Variants in TRPC5 observed in about 807,000 individuals in gnomAD.
The protein encoded by TRPC5 is transient receptor potential cation channel subfamily C member 5.
In TRPC5, 9 loss-of-function variants were observed where a neutral mutation model predicts 56.5. The ratio of observed to expected loss-of-function variants is 0.16; its 90% CI spans 0.10 to 0.28. The LOEUF is 0.28. TRPC5 is among the 10% of genes least tolerant of loss of function. The pLI, the probability that TRPC5 is intolerant of heterozygous loss-of-function variation, is 1.00. For missense variants in TRPC5, 469 were observed against 748.9 expected, an observed-to-expected ratio of 0.63 and a Z score of 4.36; for synonymous variants, 282 against 278.5, an observed-to-expected ratio of 1.01 and a Z score of -0.13.
At chrX:111,877,596 C>T (rs1161612638) in intron 3 of TRPC5, among the ~76,000 whole-genome samples, 3 of 111,216 alleles carry the variant, frequency 2.7e-5, no homozygotes, top group African/African-American at 9.8e-5. Context: ...GTCAGAGGCA[C>T]AGCTTGGGGA....
rs771895982 is a variant in TRPC5 at position 111,791,083 on chromosome X, A to T, written c.1897-8945T>A. ...TGACCCTCTCACCTCCTCAGGGAAC[A>T]TCTCTGAAGCATCATCCCACCTTTA... On this transcript the variant is annotated intron_variant, in intron 7 of 10. Transcript: ENST00000262839. 1.4e-4 allele frequency among the ~76,000 whole-genome samples: 14 copies of T among 103,057 alleles called. No individual in the cohort carries two copies. In the South Asian group the frequency reaches 2.8e-3, roughly 21 times the overall value. The allele number at this position is 103,057 out of a possible 115,157, so 89.5% of individuals were successfully genotyped here.
chrX:111,798,418 C>A (rs1000252874), intron 7 of TRPC5, among the ~76,000 whole-genome samples: 3 of 112,110 alleles, frequency 2.7e-5, no homozygotes, highest in African/African-American at 9.7e-5. Flanking sequence ...AAAAAGTGAT[C>A]TCTTGTGGTT....
chrX:111,968,799 GA>G (rs1927687155), intron 1 of TRPC5, among the ~76,000 whole-genome samples: 1 of 81,296 alleles, frequency 1.2e-5, no homozygotes, highest in Non-Finnish European at 2.2e-5. Context: ...CACAGGAAGG[GA>G]AACATCACAC....
chrX:112,055,601 A>G (rs1036554647), intron 1 of TRPC5, among the ~76,000 whole-genome samples: 3 of 109,488 alleles, frequency 2.7e-5, no homozygotes, highest in Non-Finnish European at 5.7e-5. Context: ...TTTTCAGACT[A>G]TAATATATTT....
chrX:111,923,620 A>C (rs1926182038), intron 2 of TRPC5, among the ~76,000 whole-genome samples: 1 of 112,021 alleles, frequency 8.9e-6, no homozygotes, highest in Non-Finnish European at 1.9e-5. Context: ...ACAAACAAAC[A>C]AAAAACCAAA....
chrX:112,008,109 C>T (rs933976394), intron 1 of TRPC5, among the ~76,000 whole-genome samples: 5 of 112,084 alleles, frequency 4.5e-5, no homozygotes, highest in Non-Finnish European at 9.4e-5. Context: ...TAGATTAGTT[C>T]CTCTCATAAG....
chrX:111,865,778 C>T (rs1923536300), intron 3 of TRPC5, among the ~76,000 whole-genome samples: 2 of 112,198 alleles, frequency 1.8e-5, no homozygotes, highest in Admixed American at 1.9e-4. Context: ...TAGCTCTGTG[C>T]TGGATAAATC....
chrX:111,937,195 GT>G (rs1319522366), intron 2 of TRPC5, among the ~76,000 whole-genome samples: 1 of 105,731 alleles, frequency 9.5e-6, no homozygotes. Flanking sequence ...GGAGTTGTTT[GT>G]TTTTTTCTTG....
intron 1 of TRPC5, among the ~76,000 whole-genome samples, chrX:111,976,035 TA>T (rs774547796): frequency 4.4e-5 from 5 of 112,702 alleles, no homozygotes; most frequent in Non-Finnish European, 9.4e-5. Flanking sequence ...TCGTATACTA[TA>T]TTAACAGAAT....
intron 7 of TRPC5, among the ~76,000 whole-genome samples, chrX:111,827,907 C>T (rs889036043): frequency 9.0e-6 from 1 of 111,336 alleles, no homozygotes; most frequent in African/African-American, 3.3e-5. Context: ...TCACTCACTC[C>T]CATTACCTCT....
rs781083605 is a variant in TRPC5, at chrX:111,829,674, C to T, written c.1896+5247G>A. On this transcript the variant is annotated intron_variant, in intron 7 of 10. Coordinates refer to ENST00000262839, the MANE Select transcript of TRPC5 (RefSeq NM_012471.3). The stretch of plus-strand genomic sequence containing the variant: ...TGGCTTTAGAGGGTACAAGCCCCAA[C>T]CCTTGGCAGCTTCCATGTGGTGTTG... 8.0e-5 allele frequency among the ~76,000 whole-genome samples: 9 copies of T among 112,870 alleles called. No homozygotes were observed. The South Asian group carries it at 2.9e-3, about 37-fold the overall frequency.
intron 3 of TRPC5, among the ~76,000 whole-genome samples, chrX:111,882,188 G>A (rs1399879979): frequency 1.8e-5 from 2 of 111,054 alleles, no homozygotes; most frequent in Non-Finnish European, 3.8e-5. Flanking sequence ...CATTCTCATT[G>A]GCTGAAATAA....
intron 7 of TRPC5, among the ~76,000 whole-genome samples, chrX:111,807,956 C>CTCTCTCTGTG (rs905386723): frequency 4.0e-4 from 37 of 91,924 alleles, no homozygotes; most frequent in African/African-American, 1.8e-3. Flanking sequence ...CTCTCTCTCT[C>CTCTCTCTGTG]TGTGTGTGTG....
chrX:111,893,398 T>C (rs1485301601), intron 3 of TRPC5, among the ~76,000 whole-genome samples: 1 of 111,968 alleles, frequency 8.9e-6, no homozygotes, highest in African/African-American at 3.2e-5. Flanking sequence ...CAAGCCTGTG[T>C]AGGGTCCTAC....
chrX:112,010,017 G>A (rs1365844903), intron 1 of TRPC5, among the ~76,000 whole-genome samples: 1 of 111,881 alleles, frequency 8.9e-6, no homozygotes. Flanking sequence ...TACTTCAAGA[G>A]GTAGGATACT....
chrX:111,857,346 C>T (rs1326274315), intron 3 of TRPC5, among the ~76,000 whole-genome samples: 1 of 110,985 alleles, frequency 9.0e-6, no homozygotes, highest in Non-Finnish European at 1.9e-5. Flanking sequence ...GTAGAATTGG[C>T]AGGATGTGCT....
intron 2 of TRPC5, chrX:111,931,165 T>C (rs1346874977): frequency 8.9e-6 from 1 of 111,955 alleles, no homozygotes. Context: ...AAAAAGTCTT[T>C]GTGTATTTGT....
intron 3 of TRPC5, chrX:111,903,203 G>A (rs1925442261): frequency 8.9e-6 from 1 of 111,822 alleles, no homozygotes; most frequent in Non-Finnish European, 1.9e-5. Flanking sequence ...GGATTGTTAA[G>A]ATATAACCCC....
At chrX:111,952,939 A>ACCT (rs1365295398) in intron 1 of TRPC5, among the ~76,000 whole-genome samples, 3 of 111,690 alleles carry the variant, frequency 2.7e-5, no homozygotes, top group Non-Finnish European at 3.8e-5. Flanking sequence ...GAAAATATTC[A>ACCT]TGGTAACACT....
Sources: allele counts gnomAD v4.1 joint callset (sites outside exome capture counted in the v4.1 genomes callset), GRCh38; gene constraint gnomAD v4.1.1; transcripts MANE v1.5; gene names NCBI Gene and HGNC (gene_info 2026-07-23, HGNC 2026-07-21).